The following MADD variants were observed in gnomAD, a reference collection of about 807,000 sequenced individuals.
MADD encodes MAP kinase-activating death domain protein.
MADD carries 109 observed loss-of-function variants against 176.7 expected under a neutral mutation model. That is an observed-to-expected ratio of 0.62 (90% CI 0.53 to 0.72). The LOEUF (loss-of-function observed/expected upper bound fraction) is 0.72, where lower values mean the gene tolerates loss of function less well. MADD is among the 30% of genes least tolerant of loss of function. The pLI is 0.00. For missense variants in MADD, 1,914 were observed against 2,045.5 expected (o/e 0.94, Z 1.24); for synonymous variants, 771 against 771.3 (o/e 1.00, Z 0.01).
intron 22 of MADD, among the ~76,000 whole-genome samples, chr11:47,304,056 C>A (rs1594037874): frequency 6.6e-6 from 1 of 152,082 alleles, no homozygotes; most frequent in Non-Finnish European, 1.5e-5. Context: ...CTTTGGAAAT[C>A]CAATAATATG....
chr11:47,275,993 T>G (rs1328925566), exon 4 of MADD: 1 of 1,614,206 alleles, frequency 6.2e-7, no homozygotes, highest in East Asian at 2.2e-5. Flanking sequence ...GGCCTGGATC[T>G]ATCGATTGCT....
At chr11:47,327,632 C>T in intron 31 of MADD, 2 of 985,400 alleles carry the variant, frequency 2.0e-6, no homozygotes, top group African/African-American at 1.7e-5. Flanking sequence ...CCCGTGTGTT[C>T]CCTTCTCTCT....
At chr11:47,316,125 T>C in intron 27 of MADD, among the ~76,000 whole-genome samples, 1 of 152,064 alleles carries the variant, frequency 6.6e-6, no homozygotes, top group African/African-American at 2.4e-5. Context: ...TGTGAGCCAC[T>C]GCGCCCGGCC....
At chr11:47,294,275 T>G (rs989433036) in intron 20 of MADD, among the ~76,000 whole-genome samples, 2 of 146,562 alleles carry the variant, frequency 1.4e-5, no homozygotes, top group Admixed American at 6.8e-5. Context: ...CTTTAACCGG[T>G]GGGCGGAGGT....
At chr11:47,281,631 T>A (rs769757772) in exon 8 of MADD, 4 of 1,613,410 alleles carry the variant, frequency 2.5e-6, no homozygotes, top group Admixed American at 3.3e-5. Context: ...AGAAATTTCA[T>A]GAGGGCCAGG....
chr11:47,278,176 T>G, exon 6 of MADD: 1 of 1,613,278 alleles, frequency 6.2e-7, no homozygotes, highest in Non-Finnish European at 8.5e-7. Context: ...TGCTGTTGGC[T>G]CCAACCCCGT....
exon 13 of MADD, chr11:47,284,943 A>G (rs759970687): frequency 1.2e-6 from 2 of 1,613,508 alleles, no homozygotes; most frequent in Non-Finnish European, 1.7e-6. Flanking sequence ...GCCTTTAGGA[A>G]CCTGCTGACT....
chr11:47,315,229 G>C, exon 27 of MADD: 1 of 1,611,084 alleles, frequency 6.2e-7, no homozygotes, highest in South Asian at 1.1e-5. Flanking sequence ...GAATGGACGC[G>C]ATCTCTCTAT....
chr11:47,319,820 G>C (rs2094042812), intron 27 of MADD, among the ~76,000 whole-genome samples: 2 of 151,808 alleles, frequency 1.3e-5, no homozygotes, highest in Admixed American at 6.6e-5. Flanking sequence ...GTGACACCCT[G>C]TTTCTACTAA....
chr11:47,278,347 T>C (rs1213316657), intron 6 of MADD, 69 bp downstream of exon 6: 12 of 1,140,328 alleles, frequency 1.1e-5, no homozygotes, highest in Middle Eastern at 2.0e-4. Flanking sequence ...TCCTGAGATA[T>C]CTGTTTCTAG....
At chr11:47,282,488 G>A (rs758381225) in exon 9 of MADD, 6 of 1,614,084 alleles carry the variant, frequency 3.7e-6, no homozygotes, top group Non-Finnish European at 4.2e-6. Context: ...TTTCAAGCTG[G>A]CTCCTTTCTA....
At chr11:47,309,371 T>G (rs759669898) in exon 24 of MADD, 1 of 1,614,222 alleles carries the variant, frequency 6.2e-7, no homozygotes, top group Non-Finnish European at 8.5e-7. Context: ...GGGATGGGTA[T>G]GGACCAGGGT....
At chr11:47,290,795 G>A (rs781284922) in exon 19 of MADD, 1 of 1,612,474 alleles carries the variant, frequency 6.2e-7, no homozygotes, top group Non-Finnish European at 8.5e-7. Flanking sequence ...TTTAAAGGAA[G>A]AAAATTTTAT....
chr11:47,295,308 G>A lies in MADD; in HGVS notation c.3403-188G>A, dbSNP rs144654472. 2.2e-3 allele frequency among the ~76,000 whole-genome samples: 333 copies of A among 152,178 alleles called. 3 individuals are homozygous for A. The highest frequency in any genetic ancestry group is 7.5e-3 in the African/African-American group (313 of 41,530). On this transcript the variant is annotated intron_variant, in intron 20 of 32. Coordinates refer to ENST00000402192, the Ensembl canonical transcript of MADD. ...ACTACAGGCGTGAGCCACTGTGCCC[G>A]GCCTATTTCTTTTTTTTATTACATA...
intron 6 of MADD, 21 bp from the exon 7 acceptor site, chr11:47,278,976 CTT>C: frequency 6.2e-7 from 1 of 1,610,536 alleles, no homozygotes; most frequent in Non-Finnish European, 8.5e-7. Flanking sequence ...AAGGTCACGT[CTT>C]TTATCATTTC....
At chr11:47,274,476 T>C (rs2047998216) in intron 2 of MADD, 87 bp from the exon 3 acceptor site, 1 of 1,101,270 alleles carries the variant, frequency 9.1e-7, no homozygotes. Context: ...CAAAATAGCA[T>C]CTTGAGCTTT....
At chr11:47,306,967 T>C (rs935445515) in intron 22 of MADD, among the ~76,000 whole-genome samples, 3 of 152,100 alleles carry the variant, frequency 2.0e-5, no homozygotes, top group Non-Finnish European at 4.4e-5. Flanking sequence ...CTTGGTGCAG[T>C]CATGGCTTAC....
exon 3 of MADD, chr11:47,274,662 C>T (rs781044081): frequency 1.2e-6 from 2 of 1,614,240 alleles, no homozygotes; most frequent in East Asian, 2.2e-5. Context: ...ATGTAGTGTT[C>T]TTCTGCCAGC....
At chr11:47,282,441 G>C in exon 9 of MADD, 1 of 1,614,152 alleles carries the variant, frequency 6.2e-7, no homozygotes. Flanking sequence ...AGATGCACAC[G>C]CGTACCCTGC....
Sources: gnomAD v4.1 joint callset for allele counts (sites outside exome capture counted in the v4.1 genomes callset) on GRCh38, gnomAD v4.1.1 for gene constraint, MANE v1.5 for transcripts, NCBI Gene and HGNC (gene_info 2026-07-23, HGNC 2026-07-21) for gene names.